Variants in LIPI observed in about 807,000 individuals in gnomAD.
The protein encoded by LIPI is lipase member I.
In LIPI, 59 loss-of-function variants were observed where a neutral mutation model predicts 50.6. That is an observed-to-expected ratio of 1.16 (90% CI 0.94 to 1.45). The LOEUF is 1.45. Ranked by LOEUF, LIPI falls within the 40% of genes most tolerant of loss-of-function variation. LIPI has a pLI of 0.00. For missense variants in LIPI, 586 were observed against 536.3 expected, an observed-to-expected ratio of 1.09 and a Z score of -0.92; for synonymous variants, 203 against 178.2, an observed-to-expected ratio of 1.14 and a Z score of -1.11.
chr21:14,117,074 A>G (rs1485276995), intron 9 of LIPI, among the ~76,000 whole-genome samples: 1 of 152,008 alleles, frequency 6.6e-6, no homozygotes, highest in African/African-American at 2.4e-5. Context: ...CAAAGGAGGA[A>G]CTCCAGGATG....
chr21:14,206,616 CA>C (rs2020232514), intron 1 of LIPI, among the ~76,000 whole-genome samples: 1 of 151,842 alleles, frequency 6.6e-6, no homozygotes, highest in South Asian at 2.1e-4. Flanking sequence ...ATTCTCATCC[CA>C]AAAATCCTAC....
chr21:14,164,255 T>C (rs191681341), intron 6 of LIPI, among the ~76,000 whole-genome samples: 136 of 152,240 alleles, frequency 8.9e-4, no homozygotes, highest in African/African-American at 3.1e-3. Flanking sequence ...TTCTAACTTA[T>C]GCCTTTATGT....
rs539205720 is a variant in LIPI, at chr21:14,139,798, C to T, written c.1295+4825G>A. On this transcript the variant is annotated intron_variant, in intron 9 of 9. Transcript: ENST00000681601. ...GAGGTGAGAAAGTTAGCCATCGGCACTTCAAGGGGAAGAAATTTCTAGGCA... is the reference window on the plus strand; with the variant it reads ...GAGGTGAGAAAGTTAGCCATCGGCATTTCAAGGGGAAGAAATTTCTAGGCA... 1.6e-3 allele frequency among the ~76,000 whole-genome samples: 245 copies of T among 152,214 alleles called. 1 individual carries two copies. Among genetic ancestry groups the T allele is most frequent in the African/African-American group, 5.7e-3 (236 of 41,534 alleles).
At chr21:14,167,451 T>G (rs1004549830) in intron 4 of LIPI, among the ~76,000 whole-genome samples, 3 of 152,152 alleles carry the variant, frequency 2.0e-5, no homozygotes, top group Non-Finnish European at 4.4e-5. Context: ...GCAGACTAAC[T>G]GGGAGGCACC....
At chr21:14,201,885 G>A (rs1229158910) in intron 1 of LIPI, among the ~76,000 whole-genome samples, 1 of 152,142 alleles carries the variant, frequency 6.6e-6, no homozygotes, top group African/African-American at 2.4e-5. Flanking sequence ...AGGAAAAGAG[G>A]AAGTCAAATT....
chr21:14,129,811 A>T (rs201083601), intron 9 of LIPI, among the ~76,000 whole-genome samples: 61,710 of 125,072 alleles, frequency 0.49, 13,734 homozygotes, highest in East Asian at 0.85. Context: ...TTTTTTTTTA[A>T]AAAAAAAAAA....
chr21:14,112,950 T>C (rs1339585676), intron 9 of LIPI, among the ~76,000 whole-genome samples: 1 of 152,190 alleles, frequency 6.6e-6, no homozygotes, highest in African/African-American at 2.4e-5. Flanking sequence ...CCACCTGCCA[T>C]GTGAGAAAAC....
At chr21:14,129,809 TAAAAAAAA>T (rs199899861) in intron 9 of LIPI, among the ~76,000 whole-genome samples, 21 of 136,440 alleles carry the variant, frequency 1.5e-4, no homozygotes, top group African/African-American at 5.6e-4. Context: ...TTTTTTTTTT[TAAAAAAAA>T]AAAAAGCTTA....
At chr21:14,118,550 A>C (rs1157941339) in intron 9 of LIPI, among the ~76,000 whole-genome samples, 4 of 152,176 alleles carry the variant, frequency 2.6e-5, no homozygotes, top group Non-Finnish European at 5.9e-5. Flanking sequence ...TGGAGATAGG[A>C]CCTTAAGCCT....
At chr21:14,189,620 A>G (rs1423854009) in intron 1 of LIPI, among the ~76,000 whole-genome samples, 1 of 152,214 alleles carries the variant, frequency 6.6e-6, no homozygotes, top group East Asian at 1.9e-4. Flanking sequence ...AGTAATGGAA[A>G]ATATAAATGT....
At chr21:14,201,323 C>T (rs532777747) in intron 1 of LIPI, among the ~76,000 whole-genome samples, 28 of 152,148 alleles carry the variant, frequency 1.8e-4, no homozygotes, top group Middle Eastern at 3.4e-3. Flanking sequence ...ACTAAACAAC[C>T]TACAGAATGG....
intron 3 of LIPI, among the ~76,000 whole-genome samples, chr21:14,184,927 ACTAT>A (rs2019400832): frequency 6.6e-6 from 1 of 152,324 alleles, no homozygotes; most frequent in East Asian, 1.9e-4. Flanking sequence ...TGTAAAGATA[ACTAT>A]CTATATGTTA....
chr21:14,144,769 T>G lies in LIPI; in HGVS notation c.1149A>C (p.Glu383Asp). The stretch of plus-strand genomic sequence containing the variant: ...TATAAAATTGAGCAAGAATCTTGAC[T>G]TCTTGAAGTTTATAAAATGGTTTGT... ...EKNKPFYKLQ[E>D]VKILAQFYND... Residue 383 changes from glutamate to aspartate, a missense_variant, in exon 9 of 10, where the codon GAA becomes GAC. Glu to Asp is a conservative substitution (Grantham distance 45). Coordinates refer to ENST00000681601, the MANE Select transcript of LIPI (RefSeq NM_001302998.2). 6.3e-7 allele frequency: 1 copy of G among 1,581,492 alleles called. No homozygotes were observed. Among genetic ancestry groups the G allele is most frequent in the South Asian group, 1.1e-5 (1 of 90,230 alleles).
intron 3 of LIPI, among the ~76,000 whole-genome samples, chr21:14,183,030 C>A (rs2019326743): frequency 6.6e-6 from 1 of 152,130 alleles, no homozygotes; most frequent in South Asian, 2.1e-4. Flanking sequence ...AATCCTAAGC[C>A]AAAAGAACAA....
rs1453691448 is a variant in LIPI, at chr21:14,108,861, C to G, written c.*132G>C. On this transcript the variant is annotated 3_prime_UTR_variant, in exon 10 of 10. Transcript: ENST00000681601. ...TTTTTTATTTTCTTTATTTTTGATT[C>G]TTAAAATTTTTTCCAAGAAATAGAA... 5.6e-6 allele frequency: 6 copies of G among 1,074,404 alleles called. No individual in the cohort carries two copies. The African/African-American group carries it at 9.5e-5, about 17-fold the overall frequency. The allele number at this position is 1,074,404 out of a possible 1,614,324, so 66.6% of individuals were successfully genotyped here.
chr21:14,186,987 T>C (rs1366058854), intron 2 of LIPI, among the ~76,000 whole-genome samples: 5 of 152,188 alleles, frequency 3.3e-5, no homozygotes, highest in Non-Finnish European at 7.4e-5. Flanking sequence ...AACACAAACC[T>C]AGGTCTCACT....
At chr21:14,202,590 C>A (rs1047093660) in intron 1 of LIPI, among the ~76,000 whole-genome samples, 9 of 152,120 alleles carry the variant, frequency 5.9e-5, no homozygotes, top group African/African-American at 2.2e-4. Context: ...GGAAAGGATT[C>A]CCTATTTAAT....
chr21:14,140,999 G>A (rs754339815), intron 9 of LIPI, among the ~76,000 whole-genome samples: 2 of 152,064 alleles, frequency 1.3e-5, no homozygotes, highest in Admixed American at 6.6e-5. Context: ...CTTCTACTCC[G>A]TTGATAATTT....
At chr21:14,120,149 A>G (rs2016808827) in intron 9 of LIPI, among the ~76,000 whole-genome samples, 1 of 152,232 alleles carries the variant, frequency 6.6e-6, no homozygotes, top group Admixed American at 6.5e-5. Context: ...TCAAGCCAGA[A>G]AGACTTAAAG....
Sources: gnomAD v4.1 joint callset for allele counts (sites outside exome capture counted in the v4.1 genomes callset) on GRCh38, gnomAD v4.1.1 for gene constraint, MANE v1.5 for transcripts, NCBI Gene and HGNC (gene_info 2026-07-23, HGNC 2026-07-21) for gene names.